EXOC4: variants seen among roughly 807,000 people sequenced by gnomAD.
EXOC4 encodes the protein exocyst complex component 4.
Under a neutral mutation model 107.2 loss-of-function variants are expected in EXOC4, and 71 were observed. The observed-to-expected ratio is 0.66, with a 90% CI of 0.55 to 0.81. EXOC4 has a LOEUF of 0.81. Among genes scored for constraint, EXOC4 ranks in the 30% least tolerant of loss-of-function variants. The probability of loss-of-function intolerance (pLI) is 0.00; values close to 1 mark genes in which losing one functional copy is unlikely to be tolerated. For synonymous variants in EXOC4, 456 were observed against 441.2 expected (o/e 1.03, Z -0.42); for missense variants, 1,108 against 1,189.6 (o/e 0.93, Z 1.01).
At position 133,817,439 on chromosome 7, in the gene EXOC4, G is replaced by A. The variant is rs1422650316; in HGVS notation, c.1629G>A (p.Glu543=). The change falls in exon 11 of 18, where the codon GAG becomes GAA. Residue 543 remains glutamate, a synonymous_variant. Transcript: ENST00000253861. The part of the protein sequence containing the change: ...KNIFLNQVLA[E]INKEIEGVTK... ...TCTTTCTCAATCAAGTCTTGGCTGAGATCAACAAGGAGATTGAAGGAGTCA... is the reference window on the plus strand; with the variant it reads ...TCTTTCTCAATCAAGTCTTGGCTGAAATCAACAAGGAGATTGAAGGAGTCA... 6.2e-7 allele frequency: 1 copy of A among 1,614,122 alleles called. No homozygotes were observed. Among genetic ancestry groups the A allele is most frequent in the Admixed American group, 1.7e-5 (1 of 60,022 alleles).
At chr7:133,577,047 C>T (rs145523111) in intron 9 of EXOC4, among the ~76,000 whole-genome samples, 82 of 152,182 alleles carry the variant, frequency 5.4e-4, no homozygotes, top group African/African-American at 1.9e-3. Context: ...CTTGTAGGTA[C>T]AGAAGCTTCA....
intron 3 of EXOC4, among the ~76,000 whole-genome samples, chr7:133,294,801 A>G (rs1337822929): frequency 1.3e-5 from 2 of 152,118 alleles, no homozygotes; most frequent in Non-Finnish European, 1.5e-5. Flanking sequence ...TAGTATTTTT[A>G]GTTAACAAGA....
At chr7:133,713,929 G>A (rs1361663153) in intron 10 of EXOC4, among the ~76,000 whole-genome samples, 1 of 152,112 alleles carries the variant, frequency 6.6e-6, no homozygotes, top group Non-Finnish European at 1.5e-5. Flanking sequence ...ATAGCAGTAT[G>A]AAAATAGACT....
chr7:133,564,119 C>G (rs1230423054), intron 9 of EXOC4, among the ~76,000 whole-genome samples: 1 of 152,140 alleles, frequency 6.6e-6, no homozygotes, highest in Non-Finnish European at 1.5e-5. Flanking sequence ...TAAAGTAATA[C>G]ATGAGACTGT....
intron 17 of EXOC4, among the ~76,000 whole-genome samples, chr7:134,010,727 A>G (rs116406867): frequency 0.022 from 3,406 of 152,328 alleles, 135 homozygotes; most frequent in African/African-American, 0.077. Flanking sequence ...ATTAATCACT[A>G]GTTGCCGTGT....
chr7:134,022,917 G>C (rs535566387), intron 17 of EXOC4, among the ~76,000 whole-genome samples: 1 of 152,156 alleles, frequency 6.6e-6, no homozygotes, highest in Non-Finnish European at 1.5e-5. Context: ...GTTCATTCCT[G>C]ATCAGTGAAG....
At chr7:134,034,809 G>A (rs1795351264) in intron 17 of EXOC4, among the ~76,000 whole-genome samples, 1 of 152,116 alleles carries the variant, frequency 6.6e-6, no homozygotes. Context: ...TAGCATCACT[G>A]GCCAAGCACT....
At chr7:133,553,471 AT>A (rs1800630813) in intron 9 of EXOC4, among the ~76,000 whole-genome samples, 1 of 152,052 alleles carries the variant, frequency 6.6e-6, no homozygotes. Context: ...CCTTCCTCCG[AT>A]TTCATTCCCT....
intron 12 of EXOC4, among the ~76,000 whole-genome samples, chr7:133,903,576 T>C (rs1799503135): frequency 6.6e-6 from 1 of 152,172 alleles, no homozygotes; most frequent in African/African-American, 2.4e-5. Context: ...TTGCCAGCTA[T>C]TGTGACGGAG....
chr7:133,433,452 T>A (rs969219889), intron 7 of EXOC4, among the ~76,000 whole-genome samples: 1 of 152,240 alleles, frequency 6.6e-6, no homozygotes, highest in African/African-American at 2.4e-5. Flanking sequence ...TAGTAGCTGC[T>A]AATTCAAGAA....
At chr7:134,000,322 C>T (rs1354370179) in intron 15 of EXOC4, among the ~76,000 whole-genome samples, 1 of 152,106 alleles carries the variant, frequency 6.6e-6, no homozygotes, top group African/African-American at 2.4e-5. Context: ...AGATTTCATG[C>T]CACTCTAGTA....
At chr7:133,457,899 C>G (rs1798500094) in intron 7 of EXOC4, among the ~76,000 whole-genome samples, 6 of 152,218 alleles carry the variant, frequency 3.9e-5, no homozygotes, top group Admixed American at 3.9e-4. Context: ...ATAATGCTAA[C>G]AATGTATGCT....
intron 9 of EXOC4, among the ~76,000 whole-genome samples, chr7:133,517,210 G>A (rs1325168953): frequency 6.6e-6 from 1 of 152,064 alleles, no homozygotes; most frequent in Non-Finnish European, 1.5e-5. Flanking sequence ...AAAGTGTAGG[G>A]TTGGGAAGGA....
intron 10 of EXOC4, among the ~76,000 whole-genome samples, chr7:133,740,840 C>T (rs977666398): frequency 3.3e-5 from 5 of 152,094 alleles, no homozygotes; most frequent in African/African-American, 1.2e-4. Context: ...GGAATGATGA[C>T]CCTGTTCGAT....
At chr7:133,951,812 A>G (rs1468447575) in intron 14 of EXOC4, among the ~76,000 whole-genome samples, 1 of 152,218 alleles carries the variant, frequency 6.6e-6, no homozygotes, top group African/African-American at 2.4e-5. Flanking sequence ...ATCTCATTAA[A>G]TGACTTCCTC....
chr7:133,899,883 C>G (rs544969575), intron 12 of EXOC4, among the ~76,000 whole-genome samples: 4 of 151,158 alleles, frequency 2.6e-5, no homozygotes, highest in Admixed American at 6.6e-5. Flanking sequence ...GTAGCTGGGA[C>G]TACAGGCACA....
intron 17 of EXOC4, among the ~76,000 whole-genome samples, chr7:134,045,067 A>C (rs562665849): frequency 8.5e-5 from 13 of 152,326 alleles, no homozygotes; most frequent in Non-Finnish European, 1.5e-4. Context: ...TCAGGTTGTG[A>C]GGACTAAATC....
At chr7:133,637,157 T>G (rs1802732929) in intron 10 of EXOC4, among the ~76,000 whole-genome samples, 1 of 152,210 alleles carries the variant, frequency 6.6e-6, no homozygotes, top group African/African-American at 2.4e-5. Flanking sequence ...GATTATGCTA[T>G]TAACTAGTAA....
intron 11 of EXOC4, among the ~76,000 whole-genome samples, chr7:133,829,822 T>C (rs1003486926): frequency 6.6e-6 from 1 of 152,220 alleles, no homozygotes; most frequent in African/African-American, 2.4e-5. Context: ...GTTAAAGTCC[T>C]GCTTTGGGGA....
Sources: allele counts gnomAD v4.1 joint callset (sites outside exome capture counted in the v4.1 genomes callset), GRCh38; gene constraint gnomAD v4.1.1; transcripts MANE v1.5; gene names NCBI Gene and HGNC (gene_info 2026-07-23, HGNC 2026-07-21).